The following DENND6A variants were observed in gnomAD, a reference collection of about 807,000 sequenced individuals.
DENND6A encodes DENN domain containing 6A.
DENND6A carries 43 observed loss-of-function variants against 95.5 expected under a neutral mutation model. The observed-to-expected ratio is 0.45, with a 90% CI of 0.35 to 0.58. DENND6A has a LOEUF of 0.58. Among genes scored for constraint, DENND6A ranks in the 20% least tolerant of loss-of-function variants. The pLI, the probability that DENND6A is intolerant of heterozygous loss-of-function variation, is 0.00. For synonymous variants in DENND6A, 257 were observed against 260.4 expected, an observed-to-expected ratio of 0.99 and a Z score of 0.13; for missense variants, 574 against 736.0, an observed-to-expected ratio of 0.78 and a Z score of 2.55.
intron 1 of DENND6A, among the ~76,000 whole-genome samples, chr3:57,689,900 C>T (rs75474068): frequency 1.8e-4 from 28 of 151,422 alleles, no homozygotes; most frequent in African/African-American, 6.8e-4. Context: ...CCTGTCCCCA[C>T]AAAAAAAATT....
intron 1 of DENND6A, among the ~76,000 whole-genome samples, chr3:57,682,210 G>T (rs187137223): frequency 6.8e-6 from 1 of 146,782 alleles, no homozygotes; most frequent in African/African-American, 2.5e-5. Flanking sequence ...GAACCCGGCA[G>T]GCGGAGGTTT....
intron 18 of DENND6A, among the ~76,000 whole-genome samples, chr3:57,629,668 C>T (rs1476271344): frequency 2.0e-5 from 3 of 150,666 alleles, no homozygotes; most frequent in Admixed American, 6.6e-5. Flanking sequence ...CCTGCCACCA[C>T]GCCCGGCTAA....
intron 1 of DENND6A, among the ~76,000 whole-genome samples, chr3:57,689,674 A>G (rs977873415): frequency 3.3e-5 from 5 of 152,166 alleles, no homozygotes; most frequent in African/African-American, 1.2e-4. Flanking sequence ...ACCTGCCCCA[A>G]ACCAGGCCAG....
At chr3:57,686,388 T>C (rs1414980288) in intron 1 of DENND6A, among the ~76,000 whole-genome samples, 1 of 152,224 alleles carries the variant, frequency 6.6e-6, no homozygotes, top group Non-Finnish European at 1.5e-5. Flanking sequence ...AGGCAGTAAA[T>C]GCTTGTTGCC....
At chr3:57,647,866 G>A (rs111859934) in intron 9 of DENND6A, among the ~76,000 whole-genome samples, 19,078 of 148,706 alleles carry the variant, frequency 0.13, 1,381 homozygotes, top group South Asian at 0.2. Flanking sequence ...TGGGGGTGGG[G>A]GGTCAATCCA....
chr3:57,688,826 G>A (rs546282191), intron 1 of DENND6A, among the ~76,000 whole-genome samples: 1 of 152,082 alleles, frequency 6.6e-6, no homozygotes, highest in South Asian at 2.1e-4. Flanking sequence ...TTTATTTGAG[G>A]TTTCTGTTCC....
chr3:57,689,900 CA>C (rs1194596134), intron 1 of DENND6A, among the ~76,000 whole-genome samples: 3 of 151,306 alleles, frequency 2.0e-5, no homozygotes, highest in Admixed American at 2.0e-4. Flanking sequence ...CCTGTCCCCA[CA>C]AAAAAAATTA....
intron 1 of DENND6A, among the ~76,000 whole-genome samples, chr3:57,677,875 T>A (rs1377293269): frequency 6.6e-6 from 1 of 152,182 alleles, no homozygotes; most frequent in Non-Finnish European, 1.5e-5. Context: ...CTCTTTCCCC[T>A]ATCAGCTGGG....
chr3:57,684,214 C>G (rs547307060), intron 1 of DENND6A, among the ~76,000 whole-genome samples: 1 of 149,062 alleles, frequency 6.7e-6, no homozygotes, highest in Non-Finnish European at 1.5e-5. Context: ...GTAATCCCAG[C>G]ACCTTGGGAG....
chr3:57,648,630 T>C (rs1164352391), intron 9 of DENND6A, among the ~76,000 whole-genome samples: 1 of 152,114 alleles, frequency 6.6e-6, no homozygotes, highest in Admixed American at 6.6e-5. Context: ...TGTAAAGCCA[T>C]AGTCATCAAA....
chr3:57,680,069 T>C (rs886300408), intron 1 of DENND6A, among the ~76,000 whole-genome samples: 5 of 152,216 alleles, frequency 3.3e-5, no homozygotes, highest in Admixed American at 1.3e-4. Flanking sequence ...AAGTTACTTT[T>C]ATAACTCTTA....
intron 8 of DENND6A, among the ~76,000 whole-genome samples, chr3:57,658,789 A>G (rs764402382): frequency 2.0e-5 from 3 of 152,162 alleles, no homozygotes; most frequent in Non-Finnish European, 2.9e-5. Context: ...CTTTTAACTG[A>G]GTTTTCTAAA....
At chr3:57,645,622 A>T (rs1487277366) in intron 11 of DENND6A, 39 bp downstream of exon 11, 1 of 1,456,670 alleles carries the variant, frequency 6.9e-7, no homozygotes, top group Non-Finnish European at 9.4e-7. Context: ...TTTTGGTTAT[A>T]AAGGTAATAC....
intron 1 of DENND6A, among the ~76,000 whole-genome samples, chr3:57,684,602 A>G (rs1208262884): frequency 6.6e-6 from 1 of 152,036 alleles, no homozygotes; most frequent in Non-Finnish European, 1.5e-5. Context: ...TGGGCAACAC[A>G]GCAAAACCCT....
At chr3:57,634,514 C>A (rs2153412363) in intron 14 of DENND6A, 44 bp downstream of exon 14, 1 of 1,120,542 alleles carries the variant, frequency 8.9e-7, no homozygotes, top group East Asian at 2.7e-5. Context: ...ATATTACATA[C>A]CTGAACAAGG....
chr3:57,672,534 G>T, intron 1 of DENND6A, 96 bp from the exon 2 acceptor site: 1 of 1,297,674 alleles, frequency 7.7e-7, no homozygotes, highest in Non-Finnish European at 1.1e-6. Context: ...GGTAATCCCA[G>T]CACTTTGGGA....
chr3:57,654,928 C>A, intron 9 of DENND6A: 1 of 338,002 alleles, frequency 3.0e-6, no homozygotes, highest in Non-Finnish European at 4.2e-6. Context: ...AGCACAGTCA[C>A]AAATAAAGCA....
intron 11 of DENND6A, among the ~76,000 whole-genome samples, chr3:57,643,700 G>A (rs141150264): frequency 1.3e-5 from 2 of 151,664 alleles, no homozygotes; most frequent in Non-Finnish European, 2.9e-5. Flanking sequence ...GGTGGTGCAT[G>A]CCTGTAATCC....
rs533415508 is a variant in DENND6A, at chr3:57,663,906, G to T, written c.433-190C>A. ...ACAATAATCATGACAGCAACAGCCA[G>T]ATCAGAACCTTCTAACTCTTGACAT... On this transcript the variant is annotated intron_variant, in intron 4 of 19. Transcript: ENST00000311128. 5.9e-5 allele frequency among the ~76,000 whole-genome samples: 9 copies of T among 152,264 alleles called. No individual in the cohort carries two copies. The East Asian group carries it at 1.7e-3, about 29-fold the overall frequency.
Sources: gnomAD v4.1 joint callset for allele counts (sites outside exome capture counted in the v4.1 genomes callset) on GRCh38, gnomAD v4.1.1 for gene constraint, MANE v1.5 for transcripts, NCBI Gene and HGNC (gene_info 2026-07-23, HGNC 2026-07-21) for gene names.